Variants in GPC6 observed in about 807,000 individuals in gnomAD.
GPC6 encodes the protein glypican-6.
Under a neutral mutation model 55.2 loss-of-function variants are expected in GPC6, and 14 were observed. The observed-to-expected ratio is 0.25, with a 90% CI of 0.17 to 0.40. The LOEUF is 0.40. Ranked by LOEUF, GPC6 falls within the 10% of genes least tolerant of loss-of-function variation. The pLI, the probability that GPC6 is intolerant of heterozygous loss-of-function variation, is 1.00. For synonymous variants in GPC6, 278 were observed against 259.6 expected (o/e 1.07, Z -0.68); for missense variants, 641 against 708.5 (o/e 0.90, Z 1.08).
rs973508046 is a variant in GPC6, at chr13:94,391,746, A to G, written c.1290-6720A>G. Among the ~76,000 whole-genome samples, 11 of 152,284 alleles carry G rather than the reference A, an allele frequency of 7.2e-5. No homozygotes were observed. In the East Asian group the frequency reaches 2.1e-3, roughly 29 times the overall value. ...AACCATCATCACCATCCATCCACAG[A>G]ACTTTTTTATCTTCCTAAACTGAAA... is the stretch of plus-strand genomic sequence containing the variant. On this transcript the variant is annotated intron_variant, in intron 7 of 8. Coordinates refer to ENST00000377047, the MANE Select transcript of GPC6 (RefSeq NM_005708.5).
intron 6 of GPC6, among the ~76,000 whole-genome samples, chr13:94,362,457 T>C (rs1879101473): frequency 6.6e-6 from 1 of 152,166 alleles, no homozygotes; most frequent in South Asian, 2.1e-4. Context: ...TAACAGCCTG[T>C]CAGTTTCAAG....
chr13:94,312,720 G>GCACACACA lies in GPC6; in HGVS notation c.1152+6612_1152+6619dup, dbSNP rs200990954. Among the ~76,000 whole-genome samples, 13 of 136,268 alleles carry GCACACACA rather than the reference G, an allele frequency of 9.5e-5. No individual in the cohort carries two copies. In the South Asian group the frequency reaches 2.6e-3, roughly 27 times the overall value. The allele number at this position is 136,268 out of a possible 152,430, so 89.4% of individuals were successfully genotyped here. ...CGAAGACACACACGCACACGCGCAC[G>GCACACACA]CACACACACACACACACACACATGC... is the stretch of plus-strand genomic sequence containing the variant. On this transcript the variant is annotated intron_variant, in intron 6 of 8. Transcript: ENST00000377047.
intron 6 of GPC6, among the ~76,000 whole-genome samples, chr13:94,351,795 C>T (rs1329289689): frequency 4.6e-5 from 7 of 151,668 alleles, no homozygotes; most frequent in African/African-American, 1.7e-4. Context: ...ATTGGATCCT[C>T]GGAGCATATA....
chr13:94,021,260 G>GTATATA (rs57597417), intron 3 of GPC6, among the ~76,000 whole-genome samples: 2,896 of 146,218 alleles, frequency 0.02, 64 homozygotes, highest in South Asian at 0.063. Context: ...TTCATTGTGT[G>GTATATA]TATATATATA....
intron 4 of GPC6, among the ~76,000 whole-genome samples, chr13:94,190,505 C>T (rs1004257656): frequency 6.6e-6 from 1 of 152,064 alleles, no homozygotes; most frequent in African/African-American, 2.4e-5. Flanking sequence ...AGGAATTGCT[C>T]CAGATTGAGG....
At chr13:94,158,702 A>C (rs1428946058) in intron 4 of GPC6, among the ~76,000 whole-genome samples, 1 of 151,888 alleles carries the variant, frequency 6.6e-6, no homozygotes, top group East Asian at 1.9e-4. Flanking sequence ...TAAGTGGTAA[A>C]ATTTTACCAC....
intron 6 of GPC6, among the ~76,000 whole-genome samples, chr13:94,348,142 A>C (rs1768716651): frequency 6.6e-6 from 1 of 152,214 alleles, no homozygotes; most frequent in African/African-American, 2.4e-5. Flanking sequence ...TTAGCCTATA[A>C]GGGCCTTAGG....
At chr13:94,254,924 A>G (rs1285828645) in intron 4 of GPC6, among the ~76,000 whole-genome samples, 5 of 152,320 alleles carry the variant, frequency 3.3e-5, no homozygotes, top group African/African-American at 1.2e-4. Context: ...AAGTTTTTAC[A>G]TATAAATATT....
rs370766325 is a variant in GPC6 at position 94,062,423 on chromosome 13, G to A, written c.877+34529G>A. 7.9e-5 allele frequency among the ~76,000 whole-genome samples: 12 copies of A among 152,030 alleles called. No homozygotes were observed. In the East Asian group the frequency reaches 2.3e-3, roughly 30 times the overall value. ...GTGCCACCATGCCTGGCTAATTTCT[G>A]TATTTTTAGTAGAGACCAGGTTTCA... On this transcript the variant is annotated intron_variant, in intron 4 of 8. Coordinates refer to ENST00000377047, the MANE Select transcript of GPC6 (RefSeq NM_005708.5).
At chr13:93,855,801 C>A (rs1389509826) in intron 3 of GPC6, among the ~76,000 whole-genome samples, 1 of 151,492 alleles carries the variant, frequency 6.6e-6, no homozygotes, top group Non-Finnish European at 1.5e-5. Flanking sequence ...TGCTTATTTG[C>A]CATTTGTTTG....
chr13:93,334,952 C>T lies in GPC6; in HGVS notation c.160+107336C>T, dbSNP rs200620100. On this transcript the variant is annotated intron_variant, in intron 1 of 8. Coordinates refer to ENST00000377047, the MANE Select transcript of GPC6 (RefSeq NM_005708.5). ...TTAACTTTGAAAATTATGTATTTTA[C>T]TTTAATGTCATTTGACACCTCAAAT... Among the ~76,000 whole-genome samples the T allele has an allele frequency of 3.6e-3, 548 of 152,246 alleles. 3 individuals carry two copies. Among genetic ancestry groups the T allele is most frequent in the Non-Finnish European group, 5.6e-3 (384 of 68,016 alleles).
At chr13:94,401,193 G>A (rs1343545759) in intron 8 of GPC6, among the ~76,000 whole-genome samples, 1 of 152,206 alleles carries the variant, frequency 6.6e-6, no homozygotes, top group African/African-American at 2.4e-5. Context: ...AGCACTTGCT[G>A]TATGCCAGGG....
intron 1 of GPC6, among the ~76,000 whole-genome samples, chr13:93,233,064 A>C (rs971177725): frequency 2.0e-5 from 3 of 152,172 alleles, no homozygotes; most frequent in African/African-American, 7.2e-5. Context: ...ATTTCTTTAC[A>C]GACTAAATTC....
intron 1 of GPC6, among the ~76,000 whole-genome samples, chr13:93,323,101 T>C (rs922454463): frequency 2.8e-4 from 43 of 152,230 alleles, no homozygotes; most frequent in African/African-American, 9.4e-4. Context: ...ATGATTTCTT[T>C]ATATTTTCTA....
At chr13:93,971,499 C>A (rs972842234) in intron 3 of GPC6, among the ~76,000 whole-genome samples, 1 of 152,142 alleles carries the variant, frequency 6.6e-6, no homozygotes, top group Non-Finnish European at 1.5e-5. Context: ...ATACATATTG[C>A]TGAATGCCAT....
chr13:94,382,144 GT>G (rs2139207094), intron 6 of GPC6, among the ~76,000 whole-genome samples: 1 of 152,288 alleles, frequency 6.6e-6, no homozygotes, highest in South Asian at 2.1e-4. Context: ...TGCTTCGTAA[GT>G]TTTTAATTCA....
At chr13:93,305,402 C>A (rs1339500085) in intron 1 of GPC6, among the ~76,000 whole-genome samples, 11 of 152,100 alleles carry the variant, frequency 7.2e-5, no homozygotes, top group Admixed American at 7.2e-4. Context: ...GGACCACAAG[C>A]AGTAAATAGG....
intron 2 of GPC6, among the ~76,000 whole-genome samples, chr13:93,820,020 C>G (rs190437822): frequency 6.6e-6 from 1 of 152,122 alleles, no homozygotes; most frequent in Non-Finnish European, 1.5e-5. Context: ...AGGAAACTTT[C>G]ATTTTTGCAA....
chr13:93,443,275 C>T lies in GPC6; in HGVS notation c.161-101988C>T, dbSNP rs74549714. On this transcript the variant is annotated intron_variant, in intron 1 of 8. Coordinates refer to ENST00000377047, the MANE Select transcript of GPC6 (RefSeq NM_005708.5). ...AGTCATATTTGATGTATGGAGTCAC[C>T]GCTAGGGACCAATTCTTATGAATAA... is the stretch of plus-strand genomic sequence containing the variant. 6.3e-3 allele frequency among the ~76,000 whole-genome samples: 953 copies of T among 152,180 alleles called. 12 individuals are homozygous for T. The highest frequency in any genetic ancestry group is 0.022 in the African/African-American group (915 of 41,508).
Sources: allele counts gnomAD v4.1 joint callset (sites outside exome capture counted in the v4.1 genomes callset), GRCh38; gene constraint gnomAD v4.1.1; transcripts MANE v1.5; gene names NCBI Gene and HGNC (gene_info 2026-07-23, HGNC 2026-07-21).